The following TNFRSF4 variants were observed in gnomAD, a reference collection of about 807,000 sequenced individuals.
The protein encoded by TNFRSF4 is TNF receptor superfamily member 4, also known as tumor necrosis factor receptor superfamily member 4.
TNFRSF4 carries 21 observed loss-of-function variants against 29.5 expected under a neutral mutation model. The observed-to-expected ratio is 0.71, with a 90% CI of 0.51 to 1.03. TNFRSF4 has a LOEUF of 1.03. Ranked by LOEUF, TNFRSF4 falls within the 50% of genes least tolerant of loss-of-function variation. The pLI is 0.00. For synonymous variants in TNFRSF4, 197 were observed against 172.7 expected (o/e 1.14, Z -1.10); for missense variants, 408 against 387.8 (o/e 1.05, Z -0.44).
In TNFRSF4 at chr1:1,212,618, C is replaced by T. The variant is rs1404297470; in HGVS notation, c.437+20G>A. Reference sequence around the variant, plus strand: ...CCAACCCCCCCCCAGCCCCTCCCAGCCCCTGGCCAGGCCCCTCACTTGGTC... The same window carrying T: ...CCAACCCCCCCCCAGCCCCTCCCAGTCCCTGGCCAGGCCCCTCACTTGGTC... On this transcript the variant is annotated intron_variant, in intron 4 of 6. Transcript: ENST00000379236. 3.3e-6 allele frequency: 5 copies of T among 1,517,432 alleles called. No homozygotes were observed. The highest frequency in any genetic ancestry group is 2.8e-5 in the African/African-American group (2 of 71,090). The allele number at this position is 1,517,432 out of a possible 1,614,324, so 94.0% of individuals were successfully genotyped here.
At chr1:1,213,145 C>G in intron 2 of TNFRSF4, 52 bp from the exon 3 acceptor site, 2 of 1,563,096 alleles carry the variant, frequency 1.3e-6, no homozygotes, top group Non-Finnish European at 1.7e-6. Context: ...TGGACAGGGT[C>G]CTCAGGAAGC....
Position 1,214,019 on chromosome 1 carries a change from G to A in TNFRSF4, c.109C>T (p.Pro37Ser). 2.5e-6 allele frequency: 4 copies of A among 1,605,226 alleles called. No homozygotes were observed. Among genetic ancestry groups the A allele is most frequent in the Non-Finnish European group, 3.4e-6 (4 of 1,178,204 alleles). Residue 37 changes from proline (P) to serine (S), a missense_variant, in exon 1 of 7, where the codon CCC becomes TCC. Transcript: ENST00000379236. This position sits in a 1 kb window ranked among gnomAD's most constrained non-coding sequence, Gnocchi z 4.2. ...TCGTGGCAGCACCGGTCGTTGCTGG[G>A]GTAGGTGTCCCCGACACAGTGGAGC... The part of the protein sequence containing the change: ...TGLHCVGDTY[P>S]SNDRCCHECR...
intron 4 of TNFRSF4, 83 bp from the exon 5 acceptor site, chr1:1,212,221 G>T: frequency 6.8e-7 from 1 of 1,472,358 alleles, no homozygotes; most frequent in Non-Finnish European, 9.3e-7. Context: ...GGTCCACGCT[G>T]GCCAGCCACA....
Position 1,213,095 on chromosome 1 carries a change from T to G in TNFRSF4, c.269-2A>C. 6.2e-7 allele frequency: 1 copy of G among 1,607,924 alleles called. No individual in the cohort carries two copies. Among genetic ancestry groups the G allele is most frequent in the Non-Finnish European group, 8.5e-7 (1 of 1,178,446 alleles). On this transcript the variant is annotated splice_acceptor_variant, in intron 2 of 6. Transcript: ENST00000379236. LOFTEE classifies it high-confidence loss of function. ...GCTGCTTCCGCTCACTCCCACTTCC[T>G]GAGCAGGGGCCGGATGGGGGGGTGG...
chr1:1,212,857 C>G, intron 3 of TNFRSF4, 135 bp downstream of exon 3: 1 of 1,251,900 alleles, frequency 8.0e-7, no homozygotes, highest in Non-Finnish European at 1.1e-6. Flanking sequence ...CCCGTGGGCC[C>G]TGACCCGGGA....
chr1:1,213,482 G>A (rs531294013), intron 2 of TNFRSF4, 181 bp downstream of exon 2: 6 of 1,476,130 alleles, frequency 4.1e-6, no homozygotes, highest in Non-Finnish European at 5.4e-6. Flanking sequence ...CCCGGAGGGA[G>A]AGGGGGTGCC....
chr1:1,212,873 G>C (rs1315850324), intron 3 of TNFRSF4, 119 bp downstream of exon 3: 1 of 1,301,044 alleles, frequency 7.7e-7, no homozygotes, highest in Non-Finnish European at 1.0e-6. Flanking sequence ...CGGGAGCTCG[G>C]TCTTGAGGAT....
intron 3 of TNFRSF4, 23 bp from the exon 4 acceptor site, chr1:1,212,727 AG>A: frequency 6.5e-7 from 1 of 1,530,132 alleles, no homozygotes; most frequent in South Asian, 1.2e-5. Flanking sequence ...TAGGGTGGTC[AG>A]GGGCTGCCCA....
In TNFRSF4 at chr1:1,211,610, C is replaced by T. The variant is rs1197400104; in HGVS notation, c.779G>A (p.Arg260Gln). 1.0e-5 allele frequency: 16 copies of T among 1,533,734 alleles called. No individual in the cohort carries two copies. Among genetic ancestry groups the T allele is most frequent in the Non-Finnish European group, 1.3e-5 (15 of 1,142,416 alleles). Residue 260 changes from arginine (R) to glutamine (Q), a missense_variant, in exon 7 of 7, where the codon CGG becomes CAG. Coordinates refer to ENST00000379236, the MANE Select transcript of TNFRSF4 (RefSeq NM_003327.4). ...AHKPPGGGSF[R>Q]TPIQEEQADA... ...GGCCTGCTCCTCTTGGATGGGGGTC[C>T]GGAAACTGCCTCCCCCTGGGGAGGA...
At chr1:1,212,289 C>A in intron 4 of TNFRSF4, 151 bp from the exon 5 acceptor site, 2 of 921,728 alleles carry the variant, frequency 2.2e-6, no homozygotes, top group Non-Finnish European at 3.3e-6. Context: ...CCCAGCCCCA[C>A]GTGCCCCCCA....
intron 3 of TNFRSF4, 38 bp from the exon 4 acceptor site, chr1:1,212,742 GC>G: frequency 6.7e-7 from 1 of 1,485,626 alleles, no homozygotes; most frequent in Non-Finnish European, 9.0e-7. Context: ...CTGCCCACAG[GC>G]CCCGGGTGCT....
intron 5 of TNFRSF4, 47 bp downstream of exon 5, chr1:1,211,895 T>C: frequency 6.6e-7 from 1 of 1,508,198 alleles, no homozygotes; most frequent in African/African-American, 1.4e-5. Context: ...CCTCCCCTTC[T>C]CCTATTCGGG....
chr1:1,212,289 C>T (rs532491770), intron 4 of TNFRSF4, 151 bp from the exon 5 acceptor site: 114 of 921,728 alleles, frequency 1.2e-4, no homozygotes, highest in South Asian at 1.1e-3. Flanking sequence ...CCCAGCCCCA[C>T]GTGCCCCCCA....
In TNFRSF4 at chr1:1,212,187, C is replaced by T. The variant is rs765523960; in HGVS notation, c.438-49G>A. The T allele has an allele frequency of 3.7e-5, 59 of 1,596,360 alleles. 1 individual carries two copies. The Middle Eastern group carries it at 1.2e-3, about 32-fold the overall frequency. On this transcript the variant is annotated intron_variant, in intron 4 of 6. Transcript: ENST00000379236. Reference sequence around the variant, plus strand: ...CTCAGGCCAGAAACCCCCTGGGACCCGGGAGATGCGGTGGGGATAACAGGG... The same window carrying T: ...CTCAGGCCAGAAACCCCCTGGGACCTGGGAGATGCGGTGGGGATAACAGGG...
chr1:1,213,136 G>A (rs763738990), intron 2 of TNFRSF4, 43 bp from the exon 3 acceptor site: 10 of 1,575,962 alleles, frequency 6.3e-6, no homozygotes, highest in Non-Finnish European at 6.9e-6. Flanking sequence ...TGGGGGCTGT[G>A]GACAGGGTCC....
intron 4 of TNFRSF4, 55 bp downstream of exon 4, chr1:1,212,582 TC>T (rs1649205547): frequency 2.0e-6 from 1 of 490,798 alleles, no homozygotes; most frequent in Admixed American, 6.2e-5. Flanking sequence ...TCCTCCGCCC[TC>T]CTAACCACCC....
intron 2 of TNFRSF4, chr1:1,213,460 C>T (rs991125632): frequency 1.0e-5 from 15 of 1,497,240 alleles, no homozygotes; most frequent in African/African-American, 5.6e-5. Flanking sequence ...TGGCCTGGGC[C>T]GAGTCTGGGC....
rs773861319 is a variant in TNFRSF4 at position 1,212,083 on chromosome 1, T to A, written c.493A>T (p.Ile165Phe). 14 of 1,612,348 alleles carry A rather than the reference T, an allele frequency of 8.7e-6. No individual in the cohort carries two copies. In the Middle Eastern group the frequency reaches 6.6e-4, roughly 76 times the overall value. ...LQPASNSSDA[I>F]CEDRDPPATQ... Reference sequence around the variant, plus strand: ...GCTGGGGGGTCCCTGTCCTCACAGATTGCGTCCGAGCTATTGCTGGCCGGC... The same window carrying A: ...GCTGGGGGGTCCCTGTCCTCACAGAATGCGTCCGAGCTATTGCTGGCCGGC... Residue 165 changes from isoleucine (I) to phenylalanine (F), a missense_variant, in exon 5 of 7, where the codon ATC becomes TTC. By Grantham distance (21) the Ile-to-Phe change is conservative (BLOSUM62 0). Coordinates refer to ENST00000379236, the MANE Select transcript of TNFRSF4 (RefSeq NM_003327.4).
chr1:1,212,281 C>A, intron 4 of TNFRSF4, 143 bp from the exon 5 acceptor site: 1 of 982,404 alleles, frequency 1.0e-6, no homozygotes. Flanking sequence ...GGACGCTGCC[C>A]AGCCCCACGT....
Sources: allele counts gnomAD v4.1 joint callset, GRCh38; gene constraint gnomAD v4.1.1; non-coding constraint Gnocchi (gnomAD v3.1); transcripts MANE v1.5; gene names NCBI Gene and HGNC (gene_info 2026-07-23, HGNC 2026-07-21).